Variants in DEPDC1B observed in about 807,000 individuals in gnomAD.
DEPDC1B encodes DEP domain-containing protein 1B.
DEPDC1B carries 51 observed loss-of-function variants against 66.5 expected under a neutral mutation model. The observed-to-expected ratio is 0.77, with a 90% confidence interval of 0.61 to 0.97. The LOEUF (loss-of-function observed/expected upper bound fraction) is 0.97, where lower values mean the gene tolerates loss of function less well. Among genes scored for constraint, DEPDC1B ranks in the 50% least tolerant of loss-of-function variants. The pLI, the probability that DEPDC1B is intolerant of heterozygous loss-of-function variation, is 0.00. For missense variants in DEPDC1B, 552 were observed against 637.1 expected, an observed-to-expected ratio of 0.87 and a Z score of 1.44; for synonymous variants, 226 against 223.6, an observed-to-expected ratio of 1.01 and a Z score of -0.10.
At chr5:60,605,620 C>A in intron 8 of DEPDC1B, 70 bp downstream of exon 8, 1 of 1,518,040 alleles carries the variant, frequency 6.6e-7, no homozygotes, top group South Asian at 1.3e-5. Flanking sequence ...TCTGATCACC[C>A]AAACTAATAC....
At chr5:60,627,201 T>C (rs1752824700) in intron 7 of DEPDC1B, among the ~76,000 whole-genome samples, 1 of 152,138 alleles carries the variant, frequency 6.6e-6, no homozygotes, top group African/African-American at 2.4e-5. Context: ...GCTGGATGAT[T>C]ACCTAATCTT....
chr5:60,661,729 G>C (rs1753719902), intron 2 of DEPDC1B, among the ~76,000 whole-genome samples: 1 of 152,120 alleles, frequency 6.6e-6, no homozygotes, highest in African/African-American at 2.4e-5. Context: ...CCGAGAGTTT[G>C]GCGATCTCTG....
chr5:60,614,543 C>T (rs557009460), intron 7 of DEPDC1B, among the ~76,000 whole-genome samples: 1 of 152,150 alleles, frequency 6.6e-6, no homozygotes, highest in South Asian at 2.1e-4. Flanking sequence ...TAAGCCCCTG[C>T]TTAATCTCTT....
intron 1 of DEPDC1B, among the ~76,000 whole-genome samples, chr5:60,699,443 GAAAAAAAA>G (rs528758437): frequency 2.2e-5 from 2 of 89,380 alleles, no homozygotes; most frequent in Non-Finnish European, 4.0e-5. Flanking sequence ...TTTTCTCCCA[GAAAAAAAA>G]AAAAAAAAAA....
At chr5:60,646,958 A>G (rs1753332168) in intron 3 of DEPDC1B, among the ~76,000 whole-genome samples, 1 of 152,140 alleles carries the variant, frequency 6.6e-6, no homozygotes. Flanking sequence ...TTACAGGAAA[A>G]CAAGCTCAGG....
At chr5:60,630,700 G>C (rs1182544209) in intron 7 of DEPDC1B, 1 of 152,416 alleles carries the variant, frequency 6.6e-6, no homozygotes, top group Non-Finnish European at 1.5e-5. Flanking sequence ...TGCAACTGTG[G>C]GCTCTTTAGC....
In DEPDC1B at chr5:60,639,177, T is replaced by C. The variant is rs539914106; in HGVS notation, c.758-287A>G. Among the ~76,000 whole-genome samples the C allele has an allele frequency of 2.0e-5, 3 of 152,302 alleles. No individual in the cohort carries two copies. The South Asian group carries it at 6.2e-4, about 32-fold the overall frequency. On this transcript the variant is annotated intron_variant, in intron 6 of 10. Coordinates refer to ENST00000265036, the MANE Select transcript of DEPDC1B (RefSeq NM_018369.3). ...ACTTCCATTTTAAAAGAAACCTTTC[T>C]TTAAGAAAAAAACATTCTTCTGAAA... is the stretch of plus-strand genomic sequence containing the variant.
chr5:60,668,075 A>T (rs1753924130), intron 2 of DEPDC1B, among the ~76,000 whole-genome samples: 1 of 104,764 alleles, frequency 9.5e-6, no homozygotes, highest in Non-Finnish European at 1.8e-5. Context: ...ATATATATAA[A>T]ATGGATATTT....
At chr5:60,604,083 C>A (rs1345075173) in intron 8 of DEPDC1B, among the ~76,000 whole-genome samples, 1 of 151,418 alleles carries the variant, frequency 6.6e-6, no homozygotes, top group Non-Finnish European at 1.5e-5. Context: ...GTATATTTGA[C>A]AATCATCTTT....
At chr5:60,622,399 C>T (rs75766487) in intron 7 of DEPDC1B, among the ~76,000 whole-genome samples, 2,555 of 152,212 alleles carry the variant, frequency 0.017, 84 homozygotes, top group African/African-American at 0.058. Context: ...ATTTTTATTG[C>T]TGGGTAATAT....
At chr5:60,606,964 T>C (rs1377917369) in intron 7 of DEPDC1B, among the ~76,000 whole-genome samples, 1 of 152,154 alleles carries the variant, frequency 6.6e-6, no homozygotes, top group Non-Finnish European at 1.5e-5. Flanking sequence ...TTACATTGAA[T>C]AAGTATTTAC....
At chr5:60,692,999 A>G (rs182301979) in intron 1 of DEPDC1B, among the ~76,000 whole-genome samples, 1 of 152,262 alleles carries the variant, frequency 6.6e-6, no homozygotes, top group East Asian at 1.9e-4. Context: ...GTAGGGACCA[A>G]GTGGGGGAAA....
At chr5:60,625,074 CTCG>C (rs1451935257) in intron 7 of DEPDC1B, among the ~76,000 whole-genome samples, 1 of 152,092 alleles carries the variant, frequency 6.6e-6, no homozygotes, top group Non-Finnish European at 1.5e-5. Flanking sequence ...AGGACATGAA[CTCG>C]TCATTTTTTA....
intron 2 of DEPDC1B, among the ~76,000 whole-genome samples, chr5:60,648,685 C>T (rs747606602): frequency 1.1e-4 from 16 of 152,102 alleles, no homozygotes; most frequent in Non-Finnish European, 2.1e-4. Context: ...TATCCAATAA[C>T]TATTTTAAAC....
intron 2 of DEPDC1B, among the ~76,000 whole-genome samples, chr5:60,673,374 G>T (rs548703679): frequency 6.6e-6 from 1 of 152,252 alleles, no homozygotes; most frequent in African/African-American, 2.4e-5. Flanking sequence ...CATACAACAG[G>T]AACTCCATGA....
rs116030463 is a variant in DEPDC1B, at chr5:60,651,806, C to G, written c.315-4273G>C. 3.9e-3 allele frequency among the ~76,000 whole-genome samples: 590 copies of G among 152,282 alleles called. 5 individuals are homozygous for G. Among genetic ancestry groups the G allele is most frequent in the African/African-American group, 0.014 (564 of 41,564 alleles). The stretch of plus-strand genomic sequence containing the variant: ...GTGGCATAAATTTCAGTACAACTGT[C>G]ACCTGTGGTAATAGGGAAACTAGAA... On this transcript the variant is annotated intron_variant, in intron 2 of 10. Transcript: ENST00000265036.
At chr5:60,645,469 T>G in intron 4 of DEPDC1B, 23 bp downstream of exon 4, 1 of 1,557,474 alleles carries the variant, frequency 6.4e-7, no homozygotes, top group Non-Finnish European at 8.7e-7. Flanking sequence ...CTAAAATTTC[T>G]CATTAATATC....
chr5:60,661,246 A>C (rs4353978), intron 2 of DEPDC1B, among the ~76,000 whole-genome samples: 89,208 of 151,936 alleles, frequency 0.59, 26,388 homozygotes, highest in East Asian at 0.77. Context: ...TAGAATCCAG[A>C]AGCCTGGAAC....
At chr5:60,640,100 T>C (rs1272093777) in intron 6 of DEPDC1B, among the ~76,000 whole-genome samples, 1 of 152,250 alleles carries the variant, frequency 6.6e-6, no homozygotes, top group Non-Finnish European at 1.5e-5. Context: ...CAATATTCTG[T>C]TCTCTTCTTA....
Sources: allele counts gnomAD v4.1 joint callset (sites outside exome capture counted in the v4.1 genomes callset), GRCh38; gene constraint gnomAD v4.1.1; transcripts MANE v1.5; gene names NCBI Gene and HGNC (gene_info 2026-07-23, HGNC 2026-07-21).